Variants in TCF4 observed in about 807,000 individuals in gnomAD.
TCF4 encodes SL3-3 enhancer factor 2.
Under a neutral mutation model 82.1 loss-of-function variants are expected in TCF4, and 3 were observed. The observed-to-expected ratio is 0.04, with a 90% CI of 0.02 to 0.09. TCF4 has a LOEUF of 0.09. Ranked by LOEUF, TCF4 falls within the 10% of genes least tolerant of loss-of-function variation. TCF4 has a pLI of 1.00. For synonymous variants in TCF4, 276 were observed against 309.6 expected (o/e 0.89, Z 1.14); for missense variants, 518 against 852.7 (o/e 0.61, Z 4.89).
rs12607705 is a variant in TCF4, at chr18:55,392,720, T to C, written c.369+10734A>G. 1.9e-3 allele frequency among the ~76,000 whole-genome samples: 287 copies of C among 152,244 alleles called. 7 individuals are homozygous for C. The East Asian group carries it at 0.052, about 28-fold the overall frequency. On this transcript the variant is annotated intron_variant, in intron 6 of 19. Transcript: ENST00000354452. ...TGTTTTGTTTTTTTAACTAAGAAAC[T>C]ATAGATAAGGAACCTGCTTACTGTC... is the stretch of plus-strand genomic sequence containing the variant.
intron 3 of TCF4, among the ~76,000 whole-genome samples, chr18:55,489,172 A>C (rs1471292256): frequency 6.6e-6 from 1 of 152,208 alleles, no homozygotes; most frequent in African/African-American, 2.4e-5. Flanking sequence ...TTAGAGCCAC[A>C]GTTTTCCTAA....
At chr18:55,509,497 C>A (rs1349652354) in intron 3 of TCF4, among the ~76,000 whole-genome samples, 1 of 151,898 alleles carries the variant, frequency 6.6e-6, no homozygotes, top group Admixed American at 6.6e-5. Flanking sequence ...TAGAGGCAGC[C>A]CCCAGAATTA....
intron 11 of TCF4, chr18:55,266,748 A>G (rs565742269): frequency 6.6e-6 from 1 of 152,300 alleles, no homozygotes; most frequent in South Asian, 2.1e-4. Flanking sequence ...TATAGGGCAA[A>G]AGAAAACAAA....
rs758564063 is a variant in TCF4, at chr18:55,254,540, C to T, written c.1307G>A (p.Gly436Glu). 6.2e-7 allele frequency: 1 copy of T among 1,613,654 alleles called. No homozygotes were observed. Reference protein sequence around the residue: ...HNGAMGGLGSGYGTGLLSANR... With the variant: ...HNGAMGGLGSEYGTGLLSANR... The stretch of plus-strand genomic sequence containing the variant: ...GGCTGAAAGAAGGCCGGTTCCATAC[C>T]CTGAGCCCAGACCACCCATGGCTCC... Residue 436 changes from glycine to glutamate, a missense_variant, in exon 15 of 20, where the codon GGG (glycine) becomes GAG (glutamate). Coordinates refer to ENST00000354452, the MANE Select transcript of TCF4 (RefSeq NM_001083962.2).
At chr18:55,590,046 T>C (rs2097681866), upstream of TCF4, among the ~76,000 whole-genome samples, 1 of 152,224 alleles carries the variant, frequency 6.6e-6, no homozygotes, top group Non-Finnish European at 1.5e-5. Context: ...CCCATTTCCC[T>C]GCGCTCTTAT....
chr18:55,263,905 A>G (rs1464203578), intron 11 of TCF4, among the ~76,000 whole-genome samples: 1 of 152,120 alleles, frequency 6.6e-6, no homozygotes, highest in Admixed American at 6.6e-5. Context: ...CCAAAAAAGA[A>G]CAAGATATTG....
At chr18:55,534,760 T>C (rs2097100721) in intron 3 of TCF4, among the ~76,000 whole-genome samples, 1 of 152,234 alleles carries the variant, frequency 6.6e-6, no homozygotes, top group Non-Finnish European at 1.5e-5. Flanking sequence ...TAAAATATCA[T>C]GATGTAACTT....
intron 3 of TCF4, among the ~76,000 whole-genome samples, chr18:55,513,534 A>T (rs1349781110): frequency 3.3e-5 from 5 of 152,134 alleles, no homozygotes; most frequent in African/African-American, 1.2e-4. Context: ...AAAAAATTTT[A>T]AAAGCACATT....
At chr18:55,426,794 T>A (rs1603460071) in intron 5 of TCF4, among the ~76,000 whole-genome samples, 1 of 152,232 alleles carries the variant, frequency 6.6e-6, no homozygotes, top group East Asian at 1.9e-4. Context: ...TACTTCTATA[T>A]ATATCATACT....
At chr18:55,344,770 T>C (rs903180297) in intron 8 of TCF4, among the ~76,000 whole-genome samples, 1 of 152,132 alleles carries the variant, frequency 6.6e-6, no homozygotes, top group Non-Finnish European at 1.5e-5. Flanking sequence ...GGGGTGCTGC[T>C]GGCCAGGAAG....
Position 55,436,842 on chromosome 18 carries a change from C to A in TCF4, c.304+24177G>T, listed in dbSNP as rs143285615. 8.4e-3 allele frequency among the ~76,000 whole-genome samples: 1,279 copies of A among 152,290 alleles called. 19 individuals are homozygous for A. The highest frequency in any genetic ancestry group is 0.029 in the African/African-American group (1,196 of 41,550). On this transcript the variant is annotated intron_variant, in intron 5 of 19. Coordinates refer to ENST00000354452, the MANE Select transcript of TCF4 (RefSeq NM_001083962.2). ...TATTTTACAGACTGAACAGCAACAA[C>A]AACAACAACAAAACTCATAAAATCA...
At chr18:55,281,712 CTT>C (rs374898660) in intron 8 of TCF4, among the ~76,000 whole-genome samples, 1 of 144,842 alleles carries the variant, frequency 6.9e-6, no homozygotes. Flanking sequence ...TATCCTTTTT[CTT>C]TTTTTTTTTC....
chr18:55,309,339 C>A (rs1318217660), intron 8 of TCF4, among the ~76,000 whole-genome samples: 1 of 150,092 alleles, frequency 6.7e-6, no homozygotes, highest in Non-Finnish European at 1.5e-5. Context: ...TCATGTTGAT[C>A]TTGAACTCCT....
intron 2 of TCF4, among the ~76,000 whole-genome samples, chr18:55,595,502 A>G (rs1224332299): frequency 6.6e-6 from 1 of 152,242 alleles, no homozygotes; most frequent in African/African-American, 2.4e-5. Context: ...AAAATTAAGC[A>G]ATTTTAGAAA....
intron 8 of TCF4, among the ~76,000 whole-genome samples, chr18:55,319,439 C>A (rs1436413235): frequency 6.6e-6 from 1 of 152,120 alleles, no homozygotes; most frequent in African/African-American, 2.4e-5. Flanking sequence ...ACTTTGCTGT[C>A]TGTTTCATAA....
intron 5 of TCF4, among the ~76,000 whole-genome samples, chr18:55,459,667 T>C (rs1223394165): frequency 6.6e-6 from 1 of 152,226 alleles, no homozygotes; most frequent in Non-Finnish European, 1.5e-5. Flanking sequence ...AAAATCTAAG[T>C]TGATAAATAT....
At chr18:55,599,092 C>G (rs1698012807) in intron 2 of TCF4, among the ~76,000 whole-genome samples, 1 of 152,196 alleles carries the variant, frequency 6.6e-6, no homozygotes, top group South Asian at 2.1e-4. Context: ...AGACTCAAAT[C>G]TATCAAAGCC....
At chr18:55,257,249 G>C in intron 14 of TCF4, 66 bp downstream of exon 14, 1 of 1,507,618 alleles carries the variant, frequency 6.6e-7, no homozygotes, top group Non-Finnish European at 9.2e-7. Context: ...GGAGAGTAAA[G>C]GAGACTGAAC....
chr18:55,245,458 G>C (rs2052751640), intron 15 of TCF4, among the ~76,000 whole-genome samples: 1 of 152,118 alleles, frequency 6.6e-6, no homozygotes, highest in African/African-American at 2.4e-5. Context: ...AACTTAATTT[G>C]GATGTAAAAA....
Sources: gnomAD v4.1 joint callset for allele counts (sites outside exome capture counted in the v4.1 genomes callset) on GRCh38, gnomAD v4.1.1 for gene constraint, MANE v1.5 for transcripts, NCBI Gene and HGNC (gene_info 2026-07-23, HGNC 2026-07-21) for gene names.